Variants in WDFY4 observed in about 807,000 individuals in gnomAD.
WDFY4 encodes the protein WDFY family member 4, also known as WD repeat- and FYVE domain-containing protein 4.
In WDFY4, 169 loss-of-function variants were observed where a neutral mutation model predicts 351.9. The observed-to-expected ratio is 0.48, with a 90% CI of 0.42 to 0.55. The LOEUF (loss-of-function observed/expected upper bound fraction) is 0.55, where lower values mean the gene tolerates loss of function less well. Among genes scored for constraint, WDFY4 ranks in the 20% least tolerant of loss-of-function variants. The pLI is 0.00. For missense variants in WDFY4, 3,803 were observed against 3,935.6 expected (o/e 0.97, Z 0.90); for synonymous variants, 1,622 against 1,574.6 (o/e 1.03, Z -0.71).
intron 39 of WDFY4, among the ~76,000 whole-genome samples, chr10:48,863,392 G>C (rs1437863020): frequency 6.6e-6 from 1 of 152,014 alleles, no homozygotes; most frequent in Non-Finnish European, 1.5e-5. Flanking sequence ...CATCCTACTT[G>C]GTTGGCTGTA....
chr10:48,937,939 GC>G (rs1437583698), intron 47 of WDFY4, among the ~76,000 whole-genome samples: 7 of 152,060 alleles, frequency 4.6e-5, no homozygotes, highest in Admixed American at 4.6e-4. Context: ...GCCACACTCT[GC>G]CCCCAGCATC....
chr10:48,845,459 T>C (rs2068743937), intron 39 of WDFY4, among the ~76,000 whole-genome samples: 1 of 150,392 alleles, frequency 6.6e-6, no homozygotes, highest in African/African-American at 2.5e-5. Context: ...AATTATGCTG[T>C]AAAAAGAGGT....
At chr10:48,915,672 C>T (rs765447170) in intron 47 of WDFY4, among the ~76,000 whole-genome samples, 9 of 152,194 alleles carry the variant, frequency 5.9e-5, no homozygotes, top group Admixed American at 1.3e-4. Flanking sequence ...GCCTGTCTCA[C>T]ACCTACTGAA....
At chr10:48,821,010 G>C in intron 33 of WDFY4, 52 bp from the exon 34 acceptor site, 3 of 1,333,690 alleles carry the variant, frequency 2.2e-6, no homozygotes, top group South Asian at 1.3e-5. Context: ...TGGGCACTGG[G>C]TGCACACGAT....
chr10:48,787,914 T>TC (rs1289581946), intron 20 of WDFY4, among the ~76,000 whole-genome samples: 3 of 52,720 alleles, frequency 5.7e-5, no homozygotes, highest in African/African-American at 1.9e-4. Flanking sequence ...TTCTTCTTCT[T>TC]CTTCTTCTTC....
intron 49 of WDFY4, among the ~76,000 whole-genome samples, chr10:48,943,741 C>T (rs1422307464): frequency 2.0e-5 from 3 of 152,192 alleles, no homozygotes; most frequent in Non-Finnish European, 4.4e-5. Context: ...TACAGGAGTG[C>T]ACCACCATGC....
rs113674069 is a variant in WDFY4 at position 48,930,886 on chromosome 10, T to G, written c.7587-10920T>G. Among the ~76,000 whole-genome samples, 470 of 152,300 alleles carry G rather than the reference T, an allele frequency of 3.1e-3. 4 individuals carry two copies. Among genetic ancestry groups the G allele is most frequent in the African/African-American group, 0.011 (455 of 41,558 alleles). On this transcript the variant is annotated intron_variant, in intron 47 of 61. Coordinates refer to ENST00000325239, the MANE Select transcript of WDFY4 (RefSeq NM_001394531.1). ...TTGTCCGTGTGAGCCCTGTGTTCTC[T>G]GGCACACATGCACCCCCATACCCAG...
intron 51 of WDFY4, among the ~76,000 whole-genome samples, chr10:48,953,427 T>G (rs1177700722): frequency 6.6e-6 from 1 of 150,962 alleles, no homozygotes; most frequent in Admixed American, 6.6e-5. Context: ...TTAAAGAGAT[T>G]AAGAAACTCA....
rs199647005 is a variant in WDFY4 at position 48,776,971 on chromosome 10, G to A, written c.3085G>A (p.Val1029Met). Residue 1029 changes from valine to methionine, a missense_variant, in exon 16 of 62, where the codon GTG becomes ATG. By Grantham distance (21) the Val-to-Met change is conservative. Transcript: ENST00000325239. ...ATCGTTTGTGGAATTTGACATGTCC[G>A]TGGAAGGTTATGGGTATGACAGGCT... ...APSFVEFDMSVEGYGCLFIPT... is the reference protein window; with the variant it reads ...APSFVEFDMSMEGYGCLFIPT... The A allele has an allele frequency of 6.0e-5, 93 of 1,552,230 alleles. 1 individual carries two copies. Among genetic ancestry groups the A allele is most frequent in the South Asian group, 3.3e-4 (28 of 84,022 alleles).
At chr10:48,813,522 TA>T (rs1458318570) in intron 30 of WDFY4, among the ~76,000 whole-genome samples, 2 of 152,174 alleles carry the variant, frequency 1.3e-5, no homozygotes, top group Non-Finnish European at 1.5e-5. Context: ...AGAAGCTCAA[TA>T]GCTTGCCTGA....
chr10:48,978,290 A>T lies in WDFY4; in HGVS notation c.9292-19A>T. ...CAGGATCGTCTTCCCCGCCGATGAC[A>T]TTTGCTCTTTTGGGGCAGGTTTGGA... is the stretch of plus-strand genomic sequence containing the variant. On this transcript the variant is annotated intron_variant, in intron 59 of 61. Coordinates refer to ENST00000325239, the MANE Select transcript of WDFY4 (RefSeq NM_001394531.1). 6.5e-7 allele frequency: 1 copy of T among 1,550,206 alleles called. No individual in the cohort carries two copies.
intron 44 of WDFY4, among the ~76,000 whole-genome samples, chr10:48,894,278 T>A (rs1836961114): frequency 6.6e-6 from 1 of 152,230 alleles, no homozygotes; most frequent in African/African-American, 2.4e-5. Flanking sequence ...TTCAGAGTCC[T>A]GAGTTGCAGA....
Position 48,877,121 on chromosome 10 carries a change from A to T in WDFY4, c.7089A>T (p.Glu2363Asp), listed in dbSNP as rs1473550226. 15 of 1,550,094 alleles carry T rather than the reference A, an allele frequency of 9.7e-6. No homozygotes were observed. Among genetic ancestry groups the T allele is most frequent in the Admixed American group, 2.0e-5 (1 of 50,724 alleles). ...TQLTFFPALH[E>D]SLHSEDFLEL... Reference sequence around the variant, plus strand: ...TGACCTTCTTCCCAGCCTTACACGAAAGTCTGCACTCAGAAGACTTCTTGG... The same window carrying T: ...TGACCTTCTTCCCAGCCTTACACGATAGTCTGCACTCAGAAGACTTCTTGG... Residue 2363 changes from glutamate (E) to aspartate (D), a missense_variant, in exon 43 of 62, where the codon GAA becomes GAT. Coordinates refer to ENST00000325239, the MANE Select transcript of WDFY4 (RefSeq NM_001394531.1).
chr10:48,745,874 C>T (rs753022548), intron 12 of WDFY4: 144 of 307,172 alleles, frequency 4.7e-4, no homozygotes, highest in Non-Finnish European at 8.5e-4. Flanking sequence ...CCTTGCGGAC[C>T]GCGGGCCCTG....
chr10:48,734,899 C>T (rs1422671729), intron 10 of WDFY4, among the ~76,000 whole-genome samples: 1 of 151,566 alleles, frequency 6.6e-6, no homozygotes, highest in African/African-American at 2.4e-5. Context: ...CCTCAACCTC[C>T]CGAGTAGCTG....
At chr10:48,868,286 A>G (rs1244888647) in intron 40 of WDFY4, among the ~76,000 whole-genome samples, 1 of 152,208 alleles carries the variant, frequency 6.6e-6, no homozygotes, top group Non-Finnish European at 1.5e-5. Context: ...CTCCTGAGTG[A>G]TGGGAGCAGC....
At chr10:48,833,172 TGAGAGAGAGAGAGAGA>T (rs35354863) in intron 39 of WDFY4, among the ~76,000 whole-genome samples, 1 of 135,818 alleles carries the variant, frequency 7.4e-6, no homozygotes, top group African/African-American at 2.8e-5. Context: ...TGTGTGTGTG[TGAGAGAGAGAGAGAGA>T]GAGAGAGAGA....
chr10:48,970,093 G>A, intron 56 of WDFY4, 38 bp from the exon 57 acceptor site: 4 of 1,546,724 alleles, frequency 2.6e-6, no homozygotes, highest in Non-Finnish European at 3.5e-6. Flanking sequence ...TGTCCCTGCT[G>A]TCTCCACAGC....
At chr10:48,957,033 G>A (rs1163555577) in intron 51 of WDFY4, 96 bp from the exon 52 acceptor site, 27 of 1,456,558 alleles carry the variant, frequency 1.9e-5, no homozygotes, top group Non-Finnish European at 2.5e-5. Context: ...AGGAGCTAAT[G>A]GTGGAACCCG....
Sources: allele counts gnomAD v4.1 joint callset (sites outside exome capture counted in the v4.1 genomes callset), GRCh38; gene constraint gnomAD v4.1.1; transcripts MANE v1.5; gene names NCBI Gene and HGNC (gene_info 2026-07-23, HGNC 2026-07-21).